The following FAM227A variants were observed in gnomAD, a reference collection of about 807,000 sequenced individuals.
FAM227A encodes the protein protein FAM227A.
Under a neutral mutation model 74.7 loss-of-function variants are expected in FAM227A, and 80 were observed. The observed-to-expected ratio is 1.07, with a 90% CI of 0.89 to 1.29. The LOEUF is 1.29. Among genes scored for constraint, FAM227A ranks in the 50% most tolerant of loss-of-function variants. The pLI, the probability that FAM227A is intolerant of heterozygous loss-of-function variation, is 0.00. For synonymous variants in FAM227A, 237 were observed against 241.8 expected (o/e 0.98, Z 0.19); for missense variants, 654 against 683.4 (o/e 0.96, Z 0.48).
intron 11 of FAM227A, among the ~76,000 whole-genome samples, chr22:38,615,866 G>A (rs767690827): frequency 3.9e-5 from 6 of 152,204 alleles, no homozygotes; most frequent in Non-Finnish European, 5.9e-5. Flanking sequence ...AGTCAGCCAG[G>A]CAAGAGAGGA....
At chr22:38,589,374 T>C (rs1481251542) in intron 16 of FAM227A, among the ~76,000 whole-genome samples, 1 of 152,042 alleles carries the variant, frequency 6.6e-6, no homozygotes, top group Non-Finnish European at 1.5e-5. Context: ...AAGAAATATA[T>C]ATACAGATGC....
intron 11 of FAM227A, among the ~76,000 whole-genome samples, chr22:38,610,934 C>T (rs1256134830): frequency 2.0e-5 from 3 of 152,048 alleles, no homozygotes; most frequent in Non-Finnish European, 1.5e-5. Flanking sequence ...GTGGCAGGCA[C>T]CTGTAACCCC....
intron 16 of FAM227A, among the ~76,000 whole-genome samples, chr22:38,590,695 A>G (rs2090913971): frequency 6.6e-6 from 1 of 152,244 alleles, no homozygotes; most frequent in Admixed American, 6.5e-5. Flanking sequence ...AACACTTGGT[A>G]CAGAGGAAGT....
intron 4 of FAM227A, among the ~76,000 whole-genome samples, chr22:38,639,409 G>GA (rs532672330): frequency 0.023 from 2,421 of 105,362 alleles, 43 homozygotes; most frequent in African/African-American, 0.05. Flanking sequence ...ACTCCGTCTC[G>GA]AAAAAAAAAA....
chr22:38,627,945 G>A (rs1335877362), intron 8 of FAM227A, among the ~76,000 whole-genome samples: 1 of 152,004 alleles, frequency 6.6e-6, no homozygotes, highest in African/African-American at 2.4e-5. Context: ...GATAAGCATT[G>A]CTAAGAGTTT....
intron 3 of FAM227A, among the ~76,000 whole-genome samples, chr22:38,643,587 C>T (rs752174918): frequency 2.6e-5 from 4 of 152,124 alleles, no homozygotes; most frequent in African/African-American, 4.8e-5. Context: ...TTTGGAAGAG[C>T]GTTTGCCGGT....
Position 38,578,135 on chromosome 22 carries a change from T to C in FAM227A, c.*7990A>G, listed in dbSNP as rs2090676889. ...ATAAAACATAAACCAGTAACAGTCA[T>C]TTATTACCATTACCCCAGTATTGTG... On this transcript the variant is annotated 3_prime_UTR_variant, in exon 17 of 17. Transcript: ENST00000535113. 6.6e-6 allele frequency: 1 copy of C among 152,162 alleles called. No homozygotes were observed. Among genetic ancestry groups the C allele is most frequent in the South Asian group, 2.1e-4 (1 of 4,828 alleles). The allele number at this position is 152,162 out of a possible 1,614,324, so 9.4% of individuals were successfully genotyped here.
At chr22:38,642,344 A>C (rs2092134885) in intron 3 of FAM227A, among the ~76,000 whole-genome samples, 1 of 152,188 alleles carries the variant, frequency 6.6e-6, no homozygotes, top group Non-Finnish European at 1.5e-5. Context: ...AGACACCCTG[A>C]GAGGTAAAAA....
intron 11 of FAM227A, among the ~76,000 whole-genome samples, chr22:38,616,015 G>A (rs1312685590): frequency 2.0e-5 from 3 of 152,130 alleles, no homozygotes; most frequent in Non-Finnish European, 4.4e-5. Flanking sequence ...ACTGGCGTAT[G>A]GGCGGTATTT....
At chr22:38,627,573 A>G (rs1336619609) in intron 8 of FAM227A, among the ~76,000 whole-genome samples, 2 of 151,902 alleles carry the variant, frequency 1.3e-5, no homozygotes, top group Admixed American at 1.3e-4. Context: ...GTCTCAAAAT[A>G]AATAATAAAA....
intron 11 of FAM227A, among the ~76,000 whole-genome samples, chr22:38,613,868 G>C (rs1341134695): frequency 6.6e-6 from 1 of 152,124 alleles, no homozygotes; most frequent in African/African-American, 2.4e-5. Flanking sequence ...TGACTCATCT[G>C]AGAGCTAGAA....
chr22:38,605,409 C>G, intron 12 of FAM227A, 61 bp from the exon 13 acceptor site: 1 of 942,662 alleles, frequency 1.1e-6, no homozygotes, highest in East Asian at 2.6e-5. Flanking sequence ...CGTGCCTCAG[C>G]CTCCTGAGTA....
At chr22:38,631,220 A>G (rs1327429267) in intron 6 of FAM227A, among the ~76,000 whole-genome samples, 1 of 152,146 alleles carries the variant, frequency 6.6e-6, no homozygotes, top group Non-Finnish European at 1.5e-5. Flanking sequence ...AAAAAGAATG[A>G]TATCGTGTCC....
At chr22:38,646,690 G>A (rs922531764) in intron 2 of FAM227A, among the ~76,000 whole-genome samples, 8 of 150,550 alleles carry the variant, frequency 5.3e-5, no homozygotes, top group Middle Eastern at 3.4e-3. Flanking sequence ...TCACTCGCCC[G>A]GCCACTCTTC....
In FAM227A at chr22:38,582,453, ACATTACAGC is replaced by A; in HGVS notation, c.*3663_*3671del. ...TACAATTACTCATTTGCTTTATCCC[ACATTACAGC>A]AAATGCTTTTTAAATGTTAGTTCCC... On this transcript the variant is annotated 3_prime_UTR_variant, in exon 17 of 17. Coordinates refer to ENST00000535113, the MANE Select transcript of FAM227A (RefSeq NM_001013647.2). 6.5e-7 allele frequency: 1 copy of A among 1,536,896 alleles called. No individual in the cohort carries two copies. Among genetic ancestry groups the A allele is most frequent in the Non-Finnish European group, 8.8e-7 (1 of 1,135,952 alleles).
intron 1 of FAM227A, among the ~76,000 whole-genome samples, chr22:38,651,808 C>T (rs2092327176): frequency 6.6e-6 from 1 of 152,134 alleles, no homozygotes; most frequent in Non-Finnish European, 1.5e-5. Context: ...GTGCTGGGGG[C>T]AGGGCAGAAG....
intron 8 of FAM227A, among the ~76,000 whole-genome samples, chr22:38,627,541 C>T (rs1218934652): frequency 6.6e-6 from 1 of 151,838 alleles, no homozygotes; most frequent in Non-Finnish European, 1.5e-5. Flanking sequence ...GCACTCCAGC[C>T]TGGGCGACAG....
At chr22:38,593,626 CCTCTCCTCCCTCACTTACATGTTCAAT>C (rs1315515416) in intron 15 of FAM227A, among the ~76,000 whole-genome samples, 9 of 151,978 alleles carry the variant, frequency 5.9e-5, no homozygotes, top group Non-Finnish European at 2.9e-5. Flanking sequence ...CCATCCCGAC[CCTCTCCTCCCTCACTTACATGTTCAAT>C]CTCTCCCCCT....
chr22:38,618,270 C>T (rs146386215), intron 11 of FAM227A: 6 of 152,288 alleles, frequency 3.9e-5, no homozygotes, highest in African/African-American at 1.4e-4. Context: ...AAGGTGTCCC[C>T]ACTTCCCATC....
Sources: gnomAD v4.1 joint callset for allele counts (sites outside exome capture counted in the v4.1 genomes callset) on GRCh38, gnomAD v4.1.1 for gene constraint, MANE v1.5 for transcripts, NCBI Gene and HGNC (gene_info 2026-07-23, HGNC 2026-07-21) for gene names.